Variants in PPP1R12A observed in about 807,000 individuals in gnomAD.
PPP1R12A encodes myosin binding subunit.
In PPP1R12A, 19 loss-of-function variants were observed where a neutral mutation model predicts 139.6. That is an observed-to-expected ratio of 0.14 (90% CI 0.09 to 0.20). The LOEUF (loss-of-function observed/expected upper bound fraction) is 0.20. Ranked by LOEUF, PPP1R12A falls within the 10% of genes least tolerant of loss-of-function variation. PPP1R12A has a pLI of 1.00. For synonymous variants in PPP1R12A, 427 were observed against 420.6 expected (o/e 1.02, Z -0.19); for missense variants, 925 against 1,211.5 (o/e 0.76, Z 3.51).
chr12:79,807,890 A>G (rs906780319), intron 11 of PPP1R12A, among the ~76,000 whole-genome samples: 1 of 151,828 alleles, frequency 6.6e-6, no homozygotes, highest in Non-Finnish European at 1.5e-5. Context: ...TAAAAAAATT[A>G]GCTGAGCAGG....
rs1333090800 is a variant in PPP1R12A at position 79,817,410 on chromosome 12, G to A, written c.1223C>T (p.Thr408Ile). ...TTGGCTTACCTTTTTAATAGGTGATGTAGGTGTTGCTTGACCTGATGACAC... is the reference window on the plus strand; with the variant it reads ...TTGGCTTACCTTTTTAATAGGTGATATAGGTGTTGCTTGACCTGATGACAC... The part of the protein sequence containing the change: ...PTVSSGQATP[T>I]SPIKKFPTTA... Residue 408 changes from threonine to isoleucine, a missense_variant, in exon 9 of 25, where the codon ACA becomes ATA. Physicochemically the swap from Thr to Ile is moderately conservative, Grantham distance 89. Transcript: ENST00000450142. 3.7e-6 allele frequency: 6 copies of A among 1,611,722 alleles called. No homozygotes were observed. Among genetic ancestry groups the A allele is most frequent in the African/African-American group, 2.7e-5 (2 of 74,870 alleles).
chr12:79,839,922 T>C (rs1878516556), intron 3 of PPP1R12A, among the ~76,000 whole-genome samples: 1 of 152,206 alleles, frequency 6.6e-6, no homozygotes, highest in African/African-American at 2.4e-5. Context: ...GGGTGCTTTT[T>C]TATAATTATT....
At chr12:79,796,656 C>T in intron 17 of PPP1R12A, 126 bp downstream of exon 17, 1 of 701,864 alleles carries the variant, frequency 1.4e-6, no homozygotes, top group South Asian at 2.9e-5. Context: ...CATATTCTTT[C>T]TGTTTAGGTT....
chr12:79,807,165 C>G, intron 12 of PPP1R12A, 61 bp downstream of exon 12: 1 of 955,256 alleles, frequency 1.0e-6, no homozygotes, highest in Non-Finnish European at 1.5e-6. Flanking sequence ...GGGCTCCAAA[C>G]AAATTGCCTC....
At chr12:79,859,370 C>A (rs7138059) in intron 2 of PPP1R12A, among the ~76,000 whole-genome samples, 106,963 of 137,460 alleles carry the variant, frequency 0.78, 42,570 homozygotes, top group Non-Finnish European at 0.9. Flanking sequence ...AAAAAAAAAA[C>A]AACAGTGCTC....
At chr12:79,795,607 T>C (rs199565116) in intron 18 of PPP1R12A, 31 bp downstream of exon 18, 14 of 1,585,848 alleles carry the variant, frequency 8.8e-6, no homozygotes, top group Non-Finnish European at 1.1e-5. Context: ...TCAAGAATAC[T>C]ATCAAATAAT....
chr12:79,872,147 T>C (rs1882640575), intron 2 of PPP1R12A, among the ~76,000 whole-genome samples: 1 of 152,166 alleles, frequency 6.6e-6, no homozygotes, highest in Non-Finnish European at 1.5e-5. Context: ...TATTTATTCA[T>C]TGATAAGCTT....
intron 1 of PPP1R12A, among the ~76,000 whole-genome samples, chr12:79,925,296 A>G (rs1461410878): frequency 1.3e-5 from 2 of 152,062 alleles, no homozygotes; most frequent in Non-Finnish European, 2.9e-5. Context: ...GTCCATGAAA[A>G]TATACTTTCC....
intron 2 of PPP1R12A, among the ~76,000 whole-genome samples, chr12:79,863,644 C>CAAAAAAAAA (rs61530316): frequency 1.8e-5 from 1 of 55,336 alleles, no homozygotes; most frequent in African/African-American, 6.7e-5. Context: ...AAATTGAAAG[C>CAAAAAAAAA]AAAAAAAAAA....
intron 2 of PPP1R12A, among the ~76,000 whole-genome samples, chr12:79,855,075 G>A (rs549920840): frequency 1.1e-4 from 17 of 151,980 alleles, no homozygotes; most frequent in African/African-American, 2.7e-4. Flanking sequence ...TGTAAGCTCC[G>A]CCTCCCGGGT....
intron 1 of PPP1R12A, among the ~76,000 whole-genome samples, chr12:79,892,391 A>G (rs1195623039): frequency 2.0e-5 from 3 of 152,226 alleles, no homozygotes; most frequent in Non-Finnish European, 4.4e-5. Flanking sequence ...AGTAAAAACT[A>G]TACAAAACAA....
At chr12:79,893,682 C>T (rs151205617) in intron 1 of PPP1R12A, among the ~76,000 whole-genome samples, 5 of 152,286 alleles carry the variant, frequency 3.3e-5, no homozygotes, top group African/African-American at 1.2e-4. Context: ...ATTGTAAAAA[C>T]CTTTTCCAAT....
intron 3 of PPP1R12A, among the ~76,000 whole-genome samples, chr12:79,838,796 C>G (rs1279006871): frequency 6.6e-6 from 1 of 152,216 alleles, no homozygotes; most frequent in Non-Finnish European, 1.5e-5. Context: ...CCTGGATGTC[C>G]AGGCAGAAGT....
intron 17 of PPP1R12A, among the ~76,000 whole-genome samples, chr12:79,796,332 AT>A (rs1488559446): frequency 4.6e-5 from 7 of 152,120 alleles, no homozygotes; most frequent in African/African-American, 1.4e-4. Context: ...AAAGAAATGT[AT>A]TTTTTAAGAA....
intron 1 of PPP1R12A, 107 bp downstream of exon 1, chr12:79,934,588 T>G: frequency 9.5e-7 from 1 of 1,056,086 alleles, no homozygotes; most frequent in South Asian, 1.8e-5. Flanking sequence ...CAGCAGGGAG[T>G]CTCCCGCCGC....
upstream of PPP1R12A, chr12:79,935,299 C>G (rs1017001490): frequency 5.7e-6 from 6 of 1,053,964 alleles, no homozygotes; most frequent in African/African-American, 6.7e-5. Flanking sequence ...GCGGTGGTGG[C>G]TGGGCCACCA....
At chr12:79,791,511 G>A (rs1207282875) in intron 19 of PPP1R12A, among the ~76,000 whole-genome samples, 2 of 152,018 alleles carry the variant, frequency 1.3e-5, no homozygotes, top group East Asian at 3.9e-4. Context: ...AATTTACTGT[G>A]GAGACAGTGT....
At chr12:79,781,518 A>G (rs1002301227) in intron 23 of PPP1R12A, among the ~76,000 whole-genome samples, 1 of 152,114 alleles carries the variant, frequency 6.6e-6, no homozygotes, top group African/African-American at 2.4e-5. Flanking sequence ...CATTTCAAAA[A>G]TATCAAATTC....
In PPP1R12A at chr12:79,798,599, T is replaced by G. The variant is rs994140966; in HGVS notation, c.2001-15A>C. 8.3e-6 allele frequency: 12 copies of G among 1,447,132 alleles called. No individual in the cohort carries two copies. The African/African-American group carries it at 1.6e-4, about 19-fold the overall frequency. The allele number at this position is 1,447,132 out of a possible 1,614,324, so 89.6% of individuals were successfully genotyped here. A position where few individuals can be genotyped will look rare whatever the true frequency, so the allele number is the denominator to read the frequency against. On this transcript the variant is annotated splice_polypyrimidine_tract_variant and intron_variant, in intron 14 of 24. Transcript: ENST00000450142. ...TGAGGTATGATCTACAGTAGTAAAT[T>G]GAAAAATCGTTAGTTGTAAATACAA...
Sources: allele counts gnomAD v4.1 joint callset (sites outside exome capture counted in the v4.1 genomes callset), GRCh38; gene constraint gnomAD v4.1.1; transcripts MANE v1.5; gene names NCBI Gene and HGNC (gene_info 2026-07-23, HGNC 2026-07-21).